Variants in CYC1 observed in about 807,000 individuals in gnomAD.
CYC1 encodes cytochrome c1, heme protein, mitochondrial.
A neutral mutation model predicts 33.8 loss-of-function variants in CYC1; 10 were observed. That is an observed-to-expected ratio of 0.30 (90% CI 0.18 to 0.50). CYC1 has a LOEUF of 0.50. CYC1 is among the 20% of genes least tolerant of loss of function. The pLI is 0.98. For synonymous variants in CYC1, 224 were observed against 181.9 expected (o/e 1.23, Z -1.86); for missense variants, 459 against 437.6 (o/e 1.05, Z -0.44).
intron 4 of CYC1, 39 bp from the exon 5 acceptor site, chr8:144,096,545 C>G (rs1253141276): frequency 6.2e-7 from 1 of 1,613,980 alleles, no homozygotes; most frequent in East Asian, 2.2e-5. Context: ...GAAGGGCTGA[C>G]TTGTGCTTGG....
rs148021370 is a variant in CYC1, at chr8:144,096,642, G to A, written c.670G>A (p.Gly224Arg). The A allele has an allele frequency of 9.5e-5, 153 of 1,614,038 alleles. No individual in the cohort carries two copies. The highest frequency in any genetic ancestry group is 2.8e-4 in the Admixed American group (17 of 60,016). The change falls in exon 5 of 7, where the codon GGG (glycine) becomes AGG (arginine). Residue 224 changes from glycine to arginine, a missense_variant. Physicochemically the swap from Gly to Arg is moderately radical, Grantham distance 125 (BLOSUM62 -2). Coordinates refer to ENST00000318911, the MANE Select transcript of CYC1 (RefSeq NM_001916.5). The stretch of plus-strand genomic sequence containing the variant: ...CACGGGCTACTGCGAGCCACCCACC[G>A]GGGTGTCACTGCGGGAAGGTCTCTA... ...LLTGYCEPPTGVSLREGLYFN... is the reference protein window; with the variant it reads ...LLTGYCEPPTRVSLREGLYFN...
rs547540376 is a variant in CYC1 at position 144,097,069 on chromosome 8, G to A, written c.808G>A (p.Val270Met). The part of the protein sequence containing the change: ...PATMSQIAKD[V>M]CTFLRWASEP... The stretch of plus-strand genomic sequence containing the variant: ...TACCATGTCCCAGATAGCCAAGGAT[G>A]TGTGCACCTTCCTGCGCTGGGCATC... Residue 270 changes from valine to methionine, a missense_variant, in exon 6 of 7, where the codon GTG becomes ATG. Physicochemically the swap from Val to Met is conservative, Grantham distance 21. Transcript: ENST00000318911. 16 of 1,611,112 alleles carry A rather than the reference G, an allele frequency of 9.9e-6. No individual in the cohort carries two copies. In the South Asian group the frequency reaches 1.5e-4, roughly 16 times the overall value.
chr8:144,097,291 G>C lies in CYC1; in HGVS notation c.933G>C (p.Trp311Cys). 1 of 1,614,120 alleles carries C rather than the reference G, an allele frequency of 6.2e-7. No individual in the cohort carries two copies. The highest frequency in any genetic ancestry group is 8.5e-7 in the Non-Finnish European group (1 of 1,180,014). ...PLVYTIKRHK[W>C]SVLKSRKLAY... Reference sequence around the variant, plus strand: ...TCTACACCATAAAGCGGCACAAGTGGTCAGTCCTGAAGAGTCGGAAGCTGG... The same window carrying C: ...TCTACACCATAAAGCGGCACAAGTGCTCAGTCCTGAAGAGTCGGAAGCTGG... The change falls in exon 7 of 7, where the codon TGG (tryptophan) becomes TGC (cysteine). Residue 311 changes from tryptophan to cysteine, a missense_variant. By Grantham distance (215) the Trp-to-Cys change is radical. Transcript: ENST00000318911.
At position 144,095,328 on chromosome 8, in the gene CYC1, G is replaced by A. The variant is rs1434830278; in HGVS notation, c.129+100G>A. Reference sequence around the variant, plus strand: ...CGCGGGCCTGGGCAGCGCGGAAGCGGTACCGGCCACCCAGCGTCCCCGGTC... The same window carrying A: ...CGCGGGCCTGGGCAGCGCGGAAGCGATACCGGCCACCCAGCGTCCCCGGTC... On this transcript the variant is annotated intron_variant, in intron 1 of 6. Transcript: ENST00000318911. The A allele has an allele frequency of 5.7e-6, 6 of 1,044,310 alleles. No individual in the cohort carries two copies. The Admixed American group carries it at 2.3e-4, about 40-fold the overall frequency. 64.7% of individuals were successfully genotyped at this position (1,044,310 alleles called of 1,614,324 possible). A position where few individuals can be genotyped will look rare whatever the true frequency, so the allele number is the denominator to read the frequency against.
Position 144,095,153 on chromosome 8 carries a change from G to A in CYC1, c.54G>A (p.Ala18=), listed in dbSNP as rs905016459. 6 of 1,210,034 alleles carry A rather than the reference G, an allele frequency of 5.0e-6. No individual in the cohort carries two copies. The highest frequency in any genetic ancestry group is 6.2e-6 in the Non-Finnish European group (6 of 973,210). 75.0% of individuals were successfully genotyped at this position (1,210,034 alleles called of 1,614,324 possible). A position where few individuals can be genotyped will look rare whatever the true frequency, so the allele number is the denominator to read the frequency against. The part of the protein sequence containing the change: ...LRGVVLGPRG[A]GLPGARARGL... ...GGGTAGTGTTGGGCCCGCGGGGCGC[G>A]GGGCTCCCGGGCGCGCGTGCCCGGG... Residue 18 remains alanine (A), a synonymous_variant, in exon 1 of 7, where the codon GCG becomes GCA. Transcript: ENST00000318911.
chr8:144,096,179 G>A lies in CYC1; in HGVS notation c.382G>A (p.Asp128Asn), dbSNP rs748647625. The A allele has an allele frequency of 2.5e-6, 4 of 1,613,930 alleles. No homozygotes were observed. The highest frequency in any genetic ancestry group is 1.7e-6 in the Non-Finnish European group (2 of 1,179,974). Residue 128 changes from aspartate to asparagine, a missense_variant, in exon 3 of 7, where the codon GAC becomes AAC. By Grantham distance (23) the Asp-to-Asn change is conservative (BLOSUM62 1). Transcript: ENST00000318911. Reference protein sequence around the residue: ...KQVCASCHSMDFVAYRHLVGV... With the variant: ...KQVCASCHSMNFVAYRHLVGV... ...GGTGTGCGCCTCCTGCCACAGCATG[G>A]ACTTCGTGGCCTACCGCCACCTGGT...
At position 144,096,096 on chromosome 8, in the gene CYC1, G is replaced by A. The variant is rs567693962; in HGVS notation, c.327-28G>A. 3.7e-6 allele frequency: 6 copies of A among 1,607,810 alleles called. No homozygotes were observed. In the East Asian group the frequency reaches 1.1e-4, roughly 30 times the overall value. On this transcript the variant is annotated intron_variant, in intron 2 of 6. Transcript: ENST00000318911. ...TGGAGCTGGTAAGGTGGAATCTTCA[G>A]CTTTCCTAACCCTTTCCCTCCCTCC...
At position 144,095,925 on chromosome 8, in the gene CYC1, G is replaced by A. The variant is rs1290399240; in HGVS notation, c.222G>A (p.Leu74=). ...LGMLAAGGAG[L]AMALHSAVSA... ...TGCTGGCGGCAGGGGGTGCGGGGCTGGCCATGGCTCTGCATTCGGCTGTGA... is the reference window on the plus strand; with the variant it reads ...TGCTGGCGGCAGGGGGTGCGGGGCTAGCCATGGCTCTGCATTCGGCTGTGA... Residue 74 remains leucine (L), a synonymous_variant, in exon 2 of 7, where the codon CTG becomes CTA. Coordinates refer to ENST00000318911, the MANE Select transcript of CYC1 (RefSeq NM_001916.5). 10 of 1,609,336 alleles carry A rather than the reference G, an allele frequency of 6.2e-6. No homozygotes were observed. Among genetic ancestry groups the A allele is most frequent in the Non-Finnish European group, 8.5e-6 (10 of 1,179,914 alleles).
chr8:144,095,328 G>C (rs1434830278), intron 1 of CYC1, 100 bp downstream of exon 1: 1 of 1,044,310 alleles, frequency 9.6e-7, no homozygotes, highest in Non-Finnish European at 1.2e-6. Flanking sequence ...CGCGGAAGCG[G>C]TACCGGCCAC....
rs1836159020 is a variant in CYC1, at chr8:144,096,569, T to G, written c.612-15T>G. 1.2e-6 allele frequency: 2 copies of G among 1,613,954 alleles called. No individual in the cohort carries two copies. Among genetic ancestry groups the G allele is most frequent in the Non-Finnish European group, 1.7e-6 (2 of 1,179,950 alleles). On this transcript the variant is annotated splice_polypyrimidine_tract_variant and intron_variant, in intron 4 of 6. Coordinates refer to ENST00000318911, the MANE Select transcript of CYC1 (RefSeq NM_001916.5). ...ACTTGTGCTTGGAACTAAGGAGCCA[T>G]GGATCTGGTCCTAGGCATGGTGGTG... is the stretch of plus-strand genomic sequence containing the variant.
chr8:144,097,268 T>C lies in CYC1; in HGVS notation c.910T>C (p.Tyr304His). The C allele has an allele frequency of 6.2e-7, 1 of 1,614,166 alleles. No individual in the cohort carries two copies. Among genetic ancestry groups the C allele is most frequent in the East Asian group, 2.2e-5 (1 of 44,874 alleles). Residue 304 changes from tyrosine to histidine, a missense_variant, in exon 7 of 7, where the codon TAC (tyrosine) becomes CAC (histidine). Transcript: ENST00000318911. ...MMMALLVPLVYTIKRHKWSVL... is the reference protein window; with the variant it reads ...MMMALLVPLVHTIKRHKWSVL... ...GATGGCTCTGCTGGTGCCCCTGGTC[T>C]ACACCATAAAGCGGCACAAGTGGTC... is the stretch of plus-strand genomic sequence containing the variant.
rs1464430993 is a variant in CYC1, at chr8:144,097,102, G to A, written c.841G>A (p.Glu281Lys). 3 of 1,612,146 alleles carry A rather than the reference G, an allele frequency of 1.9e-6. No individual in the cohort carries two copies. Among genetic ancestry groups the A allele is most frequent in the Non-Finnish European group, 2.5e-6 (3 of 1,179,060 alleles). Reference sequence around the variant, plus strand: ...CTTCCTGCGCTGGGCATCTGAGCCAGAGCACGACCATCGAAAACGCATGGG... The same window carrying A: ...CTTCCTGCGCTGGGCATCTGAGCCAAAGCACGACCATCGAAAACGCATGGG... ...CTFLRWASEP[E>K]HDHRKRMGLK... is the part of the protein sequence containing the mutation. Residue 281 changes from glutamate (E) to lysine (K), a missense_variant, in exon 6 of 7, where the codon GAG (glutamate) becomes AAG (lysine). Coordinates refer to ENST00000318911, the MANE Select transcript of CYC1 (RefSeq NM_001916.5).
chr8:144,095,733 A>C, intron 1 of CYC1, 100 bp from the exon 2 acceptor site: 1 of 1,279,562 alleles, frequency 7.8e-7, no homozygotes, highest in Admixed American at 2.0e-5. Context: ...GGTGCCCTGC[A>C]GGAGGAGGCC....
rs946336521 is a variant in CYC1 at position 144,095,085 on chromosome 8, G to A, written c.-15G>A. On this transcript the variant is annotated 5_prime_UTR_variant, in exon 1 of 7. Transcript: ENST00000318911. ...AGGGGCCGACGGGAGTGGCGGCCGC[G>A]CGGAGGAGGCCAAGATGGCGGCAGC... 7.5e-6 allele frequency: 9 copies of A among 1,205,562 alleles called. No individual in the cohort carries two copies. In the Admixed American group the frequency reaches 3.1e-4, roughly 41 times the overall value. The allele number at this position is 1,205,562 out of a possible 1,614,324, so 74.7% of individuals were successfully genotyped here.
Position 144,096,138 on chromosome 8 carries a change from T to G in CYC1, c.341T>G (p.Phe114Cys). Residue 114 changes from phenylalanine to cysteine, a missense_variant, in exon 3 of 7, where the codon TTC becomes TGC. Phe to Cys is a radical substitution (Grantham distance 205). Coordinates refer to ENST00000318911, the MANE Select transcript of CYC1 (RefSeq NM_001916.5). The part of the protein sequence containing the change: ...SLDHTSIRRG[F>C]QVYKQVCASC... ...CCTCCCTCCAGCATCCGGAGGGGTT[T>G]CCAGGTATATAAGCAGGTGTGCGCC... 1 of 1,613,338 alleles carries G rather than the reference T, an allele frequency of 6.2e-7. No individual in the cohort carries two copies. Among genetic ancestry groups the G allele is most frequent in the South Asian group, 1.1e-5 (1 of 91,076 alleles).
Position 144,096,485 on chromosome 8 carries a change from T to C in CYC1, c.602T>C (p.Val201Ala). 6.2e-7 allele frequency: 1 copy of C among 1,614,068 alleles called. No individual in the cohort carries two copies. The highest frequency in any genetic ancestry group is 8.5e-7 in the Non-Finnish European group (1 of 1,179,994). The change falls in exon 4 of 7, where the codon GTG becomes GCG. Residue 201 changes from valine to alanine, a missense_variant. Physicochemically the swap from Val to Ala is moderately conservative, Grantham distance 64. Transcript: ENST00000318911. ...GALPPDLSYIVRARHGGEDYV... is the reference protein window; with the variant it reads ...GALPPDLSYIARARHGGEDYV... ...TTGCCCCCTGACCTCAGCTACATCGTGCGAGCTAGGTACACGGGCTGCCCA... is the reference window on the plus strand; with the variant it reads ...TTGCCCCCTGACCTCAGCTACATCGCGCGAGCTAGGTACACGGGCTGCCCA...
In CYC1 at chr8:144,096,765, CAGTGGGCATGTGGAATACTTCTCCA is replaced by C. The variant is rs746032093; in HGVS notation, c.772+22_772+46del. 0.91 allele frequency: 1,449,476 copies of C among 1,599,304 alleles called. 659,063 individuals are homozygous for C. The highest frequency in any genetic ancestry group is 1 in the East Asian group (44,599 of 44,786). ...CGATGGTAAGAGGCCTCCAGTCTGG[CAGTGGGCATGTGGAATACTTCTCCA>C]CTACCCCCAGGGATGCTTTCCCTGT... On this transcript the variant is annotated intron_variant, in intron 5 of 6. Transcript: ENST00000318911.
rs781009717 is a variant in CYC1, at chr8:144,096,156, T to C, written c.359T>C (p.Val120Ala). The part of the protein sequence containing the change: ...IRRGFQVYKQ[V>A]CASCHSMDFV... ...AGGGGTTTCCAGGTATATAAGCAGG[T>C]GTGCGCCTCCTGCCACAGCATGGAC... The change falls in exon 3 of 7, where the codon GTG becomes GCG. Residue 120 changes from valine (V) to alanine (A), a missense_variant. Coordinates refer to ENST00000318911, the MANE Select transcript of CYC1 (RefSeq NM_001916.5). 5.0e-6 allele frequency: 8 copies of C among 1,613,622 alleles called. No individual in the cohort carries two copies. The highest frequency in any genetic ancestry group is 3.3e-5 in the South Asian group (3 of 91,088).
rs1564311095 is a variant in CYC1 at position 144,096,689 on chromosome 8, C to T, written c.717C>T (p.Gly239=). The T allele has an allele frequency of 3.7e-6, 6 of 1,608,532 alleles. No homozygotes were observed. The East Asian group carries it at 1.1e-4, about 30-fold the overall frequency. The part of the protein sequence containing the change: ...EGLYFNPYFP[G]QAIAMAPPIY... ...TCTACTTCAACCCCTACTTTCCTGG[C>T]CAGGCCATTGCCATGGCCCCTCCCA... Residue 239 remains glycine (G), a synonymous_variant, in exon 5 of 7, where the codon GGC becomes GGT. Transcript: ENST00000318911.
Sources: allele counts gnomAD v4.1 joint callset, GRCh38; gene constraint gnomAD v4.1.1; transcripts MANE v1.5; gene names NCBI Gene and HGNC (gene_info 2026-07-23, HGNC 2026-07-21).